Variants in TKFC observed in about 807,000 individuals in gnomAD.
The protein encoded by TKFC is triokinase and FMN cyclase, also known as triokinase/FMN cyclase.
A neutral mutation model predicts 61.0 loss-of-function variants in TKFC; 46 were observed. The observed-to-expected ratio is 0.75, with a 90% CI of 0.60 to 0.96. The LOEUF is 0.96. TKFC is among the 50% of genes least tolerant of loss of function. The probability of loss-of-function intolerance (pLI) is 0.00; values close to 1 mark genes in which losing one functional copy is unlikely to be tolerated. For synonymous variants in TKFC, 314 were observed against 330.1 expected (o/e 0.95, Z 0.53); for missense variants, 715 against 777.5 (o/e 0.92, Z 0.96).
chr11:61,348,270 A>G lies in TKFC; in HGVS notation c.*1767A>G. 1 of 985,358 alleles carries G rather than the reference A, an allele frequency of 1.0e-6. No homozygotes were observed. The highest frequency in any genetic ancestry group is 1.2e-6 in the Non-Finnish European group (1 of 829,928). The allele number at this position is 985,358 out of a possible 1,614,324, so 61.0% of individuals were successfully genotyped here. A position where few individuals can be genotyped will look rare whatever the true frequency, so the allele number is the denominator to read the frequency against. ...TAGGAAAAATTTCCTTCCTCGTGAG[A>G]TAAGCACGTGCCATTAGCTATTAAG... On this transcript the variant is annotated 3_prime_UTR_variant, in exon 18 of 18. Coordinates refer to ENST00000394900, the MANE Select transcript of TKFC (RefSeq NM_015533.4).
chr11:61,352,118 C>T (rs1857440842), downstream of TKFC: 1 of 152,176 alleles, frequency 6.6e-6, no homozygotes, highest in South Asian at 2.1e-4. Flanking sequence ...AATGGCACAG[C>T]CAAGATCGAA....
chr11:61,346,558 C>A lies in TKFC; in HGVS notation c.*55C>A. ...TCCTCTCACTGCTGTGCTGAGGTGG[C>A]CTTTGTCACTTCCTTCTGCCTTCCA... is the stretch of plus-strand genomic sequence containing the variant. On this transcript the variant is annotated 3_prime_UTR_variant, in exon 18 of 18. Coordinates refer to ENST00000394900, the MANE Select transcript of TKFC (RefSeq NM_015533.4). The surrounding 1 kb of genome is among the most constrained non-coding windows in gnomAD (Gnocchi z 4.1). 6.5e-7 allele frequency: 1 copy of A among 1,528,942 alleles called. No homozygotes were observed. Among genetic ancestry groups the A allele is most frequent in the South Asian group, 1.2e-5 (1 of 82,284 alleles). 94.7% of individuals were successfully genotyped at this position (1,528,942 alleles called of 1,614,324 possible).
rs1382078891 is a variant in TKFC, at chr11:61,342,641, A to T, written c.758A>T (p.His253Leu). The stretch of plus-strand genomic sequence containing the variant: ...ATGACAAACACCACCAACGCGTCCC[A>T]TGTGCCTGTGCAGCCCGGTGGGTAG... ...DHMTNTTNAS[H>L]VPVQPGSSVV... The change falls in exon 9 of 18, where the codon CAT becomes CTT. Residue 253 changes from histidine to leucine, a missense_variant. Transcript: ENST00000394900. 1.2e-6 allele frequency: 2 copies of T among 1,614,036 alleles called. No homozygotes were observed. Among genetic ancestry groups the T allele is most frequent in the South Asian group, 2.2e-5 (2 of 91,080 alleles).
chr11:61,350,862 C>T (rs1483277179), downstream of TKFC: 20 of 1,371,512 alleles, frequency 1.5e-5, no homozygotes, highest in East Asian at 5.0e-4. Flanking sequence ...CCTAACTCCA[C>T]CCTCAAGTTA....
Position 61,333,284 on chromosome 11 carries a change from C to T in TKFC, c.-155C>T, listed in dbSNP as rs1433851437. 4 of 246,870 alleles carry T rather than the reference C, an allele frequency of 1.6e-5. No homozygotes were observed. The highest frequency in any genetic ancestry group is 2.3e-3 in the Middle Eastern group (2 of 854). The allele number at this position is 246,870 out of a possible 1,614,324, so 15.3% of individuals were successfully genotyped here. ...ACGCTTCGGGGTCTCCGGGAAGTCGCGGCGCCTTCGGATGTGGCGGATGCG... is the reference window on the plus strand; with the variant it reads ...ACGCTTCGGGGTCTCCGGGAAGTCGTGGCGCCTTCGGATGTGGCGGATGCG... On this transcript the variant is annotated 5_prime_UTR_variant, in exon 1 of 18. Transcript: ENST00000394900.
At position 61,342,864 on chromosome 11, in the gene TKFC, G is replaced by A. The variant is rs771979129; in HGVS notation, c.865+20G>A. ...CCCTGGGTGAGCCATGCACTGGGAA[G>A]GGGATCCTACAGCCCTTTGGAAAGG... On this transcript the variant is annotated intron_variant, in intron 10 of 17. Coordinates refer to ENST00000394900, the MANE Select transcript of TKFC (RefSeq NM_015533.4). 1.1e-5 allele frequency: 17 copies of A among 1,612,474 alleles called. No individual in the cohort carries two copies. The South Asian group carries it at 1.9e-4, about 18-fold the overall frequency.
Position 61,346,137 on chromosome 11 carries a change from G to A in TKFC, c.1575+191G>A. The stretch of plus-strand genomic sequence containing the variant: ...ATATGTAGAGCCCCGCACACTGCCT[G>A]GGATGTGACAGGGCCTCAGTGAATG... On this transcript the variant is annotated intron_variant, in intron 17 of 17. Coordinates refer to ENST00000394900, the MANE Select transcript of TKFC (RefSeq NM_015533.4). This position sits in a 1 kb window ranked among gnomAD's most constrained non-coding sequence, Gnocchi z 4.1. 1 of 1,237,894 alleles carries A rather than the reference G, an allele frequency of 8.1e-7. No homozygotes were observed. The highest frequency in any genetic ancestry group is 1.1e-6 in the Non-Finnish European group (1 of 910,576). The allele number at this position is 1,237,894 out of a possible 1,614,324, so 76.7% of individuals were successfully genotyped here.
At chr11:61,334,054 C>T (rs1327707737) in intron 1 of TKFC, 5 of 152,472 alleles carry the variant, frequency 3.3e-5, no homozygotes, top group African/African-American at 1.2e-4. Flanking sequence ...TACATCTTGC[C>T]TTTCCCATAG....
chr11:61,341,360 TC>T, intron 5 of TKFC, 75 bp from the exon 6 acceptor site: 1 of 1,495,334 alleles, frequency 6.7e-7, no homozygotes, highest in Non-Finnish European at 9.1e-7. Flanking sequence ...AAGAAATTCA[TC>T]CCCTGCCTGT....
At chr11:61,339,461 A>G (rs765143137) in intron 5 of TKFC, 26 bp downstream of exon 5, 4 of 1,585,788 alleles carry the variant, frequency 2.5e-6, no homozygotes, top group Non-Finnish European at 1.7e-6. Context: ...GGACGTGGAG[A>G]CTGGCCAGCC....
chr11:61,334,875 C>A, intron 2 of TKFC, 144 bp downstream of exon 2: 1 of 1,276,562 alleles, frequency 7.8e-7, no homozygotes. Flanking sequence ...GGGTCATCCT[C>A]TCTCCCAGGG....
At position 61,346,359 on chromosome 11, in the gene TKFC, A is replaced by G; in HGVS notation, c.1584A>G (p.Glu528=). The G allele has an allele frequency of 6.2e-7, 1 of 1,612,634 alleles. No homozygotes were observed. The change falls in exon 18 of 18, where the codon GAA becomes GAG. Residue 528 remains glutamate, a synonymous_variant. Transcript: ENST00000394900. The surrounding 1 kb of genome is among the most constrained non-coding windows in gnomAD (Gnocchi z 4.1). ...QVLTKAVKSA[E]AAAEATKNME... ...CACACCCCATCCCCCAGAGTGCCGA[A>G]GCTGCAGCCGAGGCCACCAAGAATA...
At chr11:61,344,105 G>A (rs764187121) in intron 12 of TKFC, 31 bp from the exon 13 acceptor site, 2 of 1,610,466 alleles carry the variant, frequency 1.2e-6, no homozygotes, top group Non-Finnish European at 1.7e-6. Flanking sequence ...AGGGCCTGGT[G>A]GGCCTGTTCT....
At chr11:61,343,174 A>G (rs1856949592) in intron 10 of TKFC, 168 bp from the exon 11 acceptor site, 4 of 662,022 alleles carry the variant, frequency 6.0e-6, no homozygotes, top group Non-Finnish European at 1.1e-5. Context: ...GGACACCTCC[A>G]GGGAACGTGG....
At chr11:61,349,576 T>G (rs1857298579), downstream of TKFC, 1 of 702,860 alleles carries the variant, frequency 1.4e-6, no homozygotes, top group African/African-American at 1.7e-5. Context: ...TTTGTAGGGC[T>G]GCCTGCCGGT....
Position 61,346,344 on chromosome 11 carries a change from C to T in TKFC, c.1576-7C>T. Reference sequence around the variant, plus strand: ...CCTTGAACCTGCTCCCACACCCCATCCCCCAGAGTGCCGAAGCTGCAGCCG... The same window carrying T: ...CCTTGAACCTGCTCCCACACCCCATTCCCCAGAGTGCCGAAGCTGCAGCCG... On this transcript the variant is annotated splice_polypyrimidine_tract_variant and splice_region_variant and intron_variant, in intron 17 of 17. Transcript: ENST00000394900. This position sits in a 1 kb window ranked among gnomAD's most constrained non-coding sequence, Gnocchi z 4.1. The T allele has an allele frequency of 6.2e-7, 1 of 1,612,232 alleles. No homozygotes were observed. The highest frequency in any genetic ancestry group is 8.5e-7 in the Non-Finnish European group (1 of 1,179,980).
At chr11:61,342,540 C>A in intron 8 of TKFC, 34 bp from the exon 9 acceptor site, 1 of 1,614,050 alleles carries the variant, frequency 6.2e-7, no homozygotes, top group Non-Finnish European at 8.5e-7. Context: ...CCAAGGCCCC[C>A]CAGATGCAGC....
Position 61,334,616 on chromosome 11 carries a change from G to A in TKFC, c.-109-4G>A, listed in dbSNP as rs574869219. 5.1e-5 allele frequency: 72 copies of A among 1,406,042 alleles called. No homozygotes were observed. 87.1% of individuals were successfully genotyped at this position (1,406,042 alleles called of 1,614,324 possible). A position where few individuals can be genotyped will look rare whatever the true frequency, so the allele number is the denominator to read the frequency against. ...GCAGCTTGTATCGTTACCCACTCCT[G>A]CAGGTGCTGCTGCTGCCTCCACTGT... On this transcript the variant is annotated splice_polypyrimidine_tract_variant and splice_region_variant and intron_variant, in intron 1 of 17. Coordinates refer to ENST00000394900, the MANE Select transcript of TKFC (RefSeq NM_015533.4).
chr11:61,344,298 T>A, intron 13 of TKFC, 25 bp downstream of exon 13: 1 of 1,601,710 alleles, frequency 6.2e-7, no homozygotes, highest in Non-Finnish European at 8.5e-7. Context: ...CTTTGCCAAG[T>A]GAGGTCATTC....
Sources: gnomAD v4.1 joint callset for allele counts on GRCh38, gnomAD v4.1.1 for gene constraint, Gnocchi (gnomAD v3.1) non-coding constraint, MANE v1.5 for transcripts, NCBI Gene and HGNC (gene_info 2026-07-23, HGNC 2026-07-21) for gene names.